The following PIWIL2 variants were observed in gnomAD, a reference collection of about 807,000 sequenced individuals.
The protein encoded by PIWIL2 is piwi-like protein 2.
In PIWIL2, 81 loss-of-function variants were observed where a neutral mutation model predicts 116.5. The observed-to-expected ratio is 0.70, with a 90% confidence interval of 0.58 to 0.84. PIWIL2 has a LOEUF of 0.84. Among genes scored for constraint, PIWIL2 ranks in the 40% least tolerant of loss-of-function variants. The pLI is 0.00. For missense variants in PIWIL2, 1,272 were observed against 1,212.3 expected, an observed-to-expected ratio of 1.05 and a Z score of -0.73; for synonymous variants, 489 against 429.5, an observed-to-expected ratio of 1.14 and a Z score of -1.71.
At chr8:22,328,545 C>A (rs1346675647) in intron 20 of PIWIL2, among the ~76,000 whole-genome samples, 3 of 152,132 alleles carry the variant, frequency 2.0e-5, no homozygotes, top group Non-Finnish European at 4.4e-5. Flanking sequence ...CTTAACAATA[C>A]TGTCTTCCAG....
intron 20 of PIWIL2, among the ~76,000 whole-genome samples, chr8:22,322,258 C>G (rs1015968278): frequency 1.3e-5 from 2 of 151,818 alleles, no homozygotes; most frequent in East Asian, 3.9e-4. Context: ...CCCTCCCCCC[C>G]ACCTTTTTTT....
At chr8:22,307,692 G>A (rs1274963390) in intron 13 of PIWIL2, among the ~76,000 whole-genome samples, 1 of 151,724 alleles carries the variant, frequency 6.6e-6, no homozygotes, top group Admixed American at 6.6e-5. Flanking sequence ...TGCCCATGTT[G>A]CCCATGTTGG....
At position 22,335,010 on chromosome 8, in the gene PIWIL2, G is replaced by T. The variant is rs538036406; in HGVS notation, c.2403+16735G>T. On this transcript the variant is annotated intron_variant, in intron 20 of 22. Coordinates refer to ENST00000356766, the MANE Select transcript of PIWIL2 (RefSeq NM_018068.5). ...ATGGAGGTTGCAGCGAGCCAACATT[G>T]TGCCACTGCACTCTAGCCTGGGTGA... Among the ~76,000 whole-genome samples, 57 of 149,180 alleles carry T rather than the reference G, an allele frequency of 3.8e-4. No individual in the cohort carries two copies. In the South Asian group the frequency reaches 5.5e-3, roughly 14 times the overall value.
At chr8:22,306,050 A>C in intron 13 of PIWIL2, 34 bp downstream of exon 13, 2 of 1,439,052 alleles carry the variant, frequency 1.4e-6, no homozygotes, top group Non-Finnish European at 2.0e-6. Context: ...GGAAATGCCC[A>C]CTTTGTGAGG....
In PIWIL2 at chr8:22,354,376, G is replaced by A. The variant is rs771241991; in HGVS notation, c.2763G>A (p.Gln921=). 2.5e-6 allele frequency: 4 copies of A among 1,592,494 alleles called. No homozygotes were observed. The highest frequency in any genetic ancestry group is 3.4e-6 in the Non-Finnish European group (4 of 1,160,268). ...CAAACCTGAGCCCTGATCATATGCA[G>A]AGGTGGGCCCATCAGTAACTTACTC... is the stretch of plus-strand genomic sequence containing the variant. ...NTANLSPDHM[Q]RLTFKLCHMY... is the part of the protein sequence containing the mutation. The change falls in exon 22 of 23, where the codon CAG becomes CAA. Residue 921 remains glutamine (Q), a splice_region_variant and synonymous_variant. Transcript: ENST00000356766.
intron 20 of PIWIL2, among the ~76,000 whole-genome samples, chr8:22,321,650 G>A (rs1168395897): frequency 6.6e-6 from 1 of 152,136 alleles, no homozygotes; most frequent in Non-Finnish European, 1.5e-5. Context: ...TAGGAGTCCA[G>A]TGCTCCAGTG....
At chr8:22,321,945 A>G (rs1831609704) in intron 20 of PIWIL2, 1 of 984,628 alleles carries the variant, frequency 1.0e-6, no homozygotes, top group Non-Finnish European at 1.2e-6. Context: ...TCCAAAGCCC[A>G]TTTTCTCCAT....
intron 20 of PIWIL2, among the ~76,000 whole-genome samples, chr8:22,350,112 C>T (rs1196930663): frequency 6.6e-6 from 1 of 152,142 alleles, no homozygotes; most frequent in Non-Finnish European, 1.5e-5. Flanking sequence ...CACAGGACAG[C>T]CCTCTAGGAT....
In PIWIL2 at chr8:22,346,070, T is replaced by G. The variant is rs376445307; in HGVS notation, c.2404-6889T>G. 2.4e-4 allele frequency among the ~76,000 whole-genome samples: 37 copies of G among 152,144 alleles called. No homozygotes were observed. In the East Asian group the frequency reaches 6.8e-3, roughly 28 times the overall value. On this transcript the variant is annotated intron_variant, in intron 20 of 22. Transcript: ENST00000356766. Reference sequence around the variant, plus strand: ...CATTTAATTGTATAGTTTAAGTGGGTGAGTTTGGCCAGGCGTGCTGGCTCA... The same window carrying G: ...CATTTAATTGTATAGTTTAAGTGGGGGAGTTTGGCCAGGCGTGCTGGCTCA...
chr8:22,294,336 TAAAA>T (rs71544871), intron 10 of PIWIL2, among the ~76,000 whole-genome samples: 2 of 80,684 alleles, frequency 2.5e-5, no homozygotes, highest in South Asian at 5.9e-4. Flanking sequence ...AGACTGTCTT[TAAAA>T]AAAAAAAAAA....
At chr8:22,330,697 A>AAAT (rs1554504110) in intron 20 of PIWIL2, among the ~76,000 whole-genome samples, 17 of 137,132 alleles carry the variant, frequency 1.2e-4, no homozygotes, top group Non-Finnish European at 2.2e-4. Context: ...ACTCTGTCTC[A>AAAT]AAATAAATAA....
At position 22,286,228 on chromosome 8, in the gene PIWIL2, A is replaced by G. The variant is rs547059192; in HGVS notation, c.744-1300A>G. Reference sequence around the variant, plus strand: ...TAGCAGTTTTGTTACAGTTGTAGAGAAAAAAAAGGAAAGATGAAAAGCACA... The same window carrying G: ...TAGCAGTTTTGTTACAGTTGTAGAGGAAAAAAAGGAAAGATGAAAAGCACA... On this transcript the variant is annotated intron_variant, in intron 6 of 22. Coordinates refer to ENST00000356766, the MANE Select transcript of PIWIL2 (RefSeq NM_018068.5). Among the ~76,000 whole-genome samples the G allele has an allele frequency of 3.3e-5, 5 of 151,372 alleles. No homozygotes were observed. The East Asian group carries it at 7.7e-4, about 23-fold the overall frequency.
At position 22,299,949 on chromosome 8, in the gene PIWIL2, T is replaced by TG. The variant is rs1831006115; in HGVS notation, c.1182-4069dup. On this transcript the variant is annotated intron_variant, in intron 10 of 22. Transcript: ENST00000356766. ...TGTATTTATTTTATTATTTTTTTTT[T>TG]GGGTGGGGGGAACAGAATCTCTCCC... is the stretch of plus-strand genomic sequence containing the variant. 2.6e-5 allele frequency among the ~76,000 whole-genome samples: 4 copies of TG among 152,112 alleles called. No individual in the cohort carries two copies. In the South Asian group the frequency reaches 6.2e-4, roughly 24 times the overall value.
At chr8:22,301,267 G>A (rs575350242) in intron 10 of PIWIL2, among the ~76,000 whole-genome samples, 3 of 151,898 alleles carry the variant, frequency 2.0e-5, no homozygotes, top group African/African-American at 4.8e-5. Flanking sequence ...CATCACACCC[G>A]GCCAGTGGTC....
intron 20 of PIWIL2, among the ~76,000 whole-genome samples, chr8:22,328,765 T>C (rs1831787153): frequency 6.6e-6 from 1 of 151,840 alleles, no homozygotes; most frequent in African/African-American, 2.4e-5. Flanking sequence ...ACTGTTTTTA[T>C]GTGTTGATCA....
chr8:22,289,159 T>C (rs1018853832), intron 8 of PIWIL2, among the ~76,000 whole-genome samples: 2 of 149,822 alleles, frequency 1.3e-5, no homozygotes, highest in African/African-American at 2.5e-5. Flanking sequence ...TTTCTTTTTT[T>C]TTTTTTTTTT....
intron 4 of PIWIL2, 86 bp downstream of exon 4, chr8:22,281,601 G>A: frequency 2.7e-6 from 3 of 1,116,696 alleles, no homozygotes; most frequent in South Asian, 1.8e-5. Flanking sequence ...GAAGAGTTGT[G>A]TCATCTCATA....
rs1831458245 is a variant in PIWIL2 at position 22,316,318 on chromosome 8, T to C, written c.2282T>C (p.Val761Ala). The change falls in exon 19 of 23, where the codon GTG becomes GCG. Residue 761 changes from valine to alanine, a missense_variant. Coordinates refer to ENST00000356766, the MANE Select transcript of PIWIL2 (RefSeq NM_018068.5). ...GGCATGCGCTCCGTGGTTGGCTTCG[T>C]GGCAAGCATCAATCTGTAAGTACTG... ...SRGMRSVVGF[V>A]ASINLTLTKW... 6.2e-7 allele frequency: 1 copy of C among 1,608,082 alleles called. No individual in the cohort carries two copies. The highest frequency in any genetic ancestry group is 1.7e-5 in the Admixed American group (1 of 59,994).
chr8:22,275,950 T>G (rs1365015361), intron 1 of PIWIL2: 1 of 152,050 alleles, frequency 6.6e-6, no homozygotes, highest in Non-Finnish European at 1.5e-5. Flanking sequence ...TCTATAGAAG[T>G]GGTGCTGGAG....
Sources: gnomAD v4.1 joint callset for allele counts (sites outside exome capture counted in the v4.1 genomes callset) on GRCh38, gnomAD v4.1.1 for gene constraint, MANE v1.5 for transcripts, NCBI Gene and HGNC (gene_info 2026-07-23, HGNC 2026-07-21) for gene names.